Variants in GRIK2 observed in about 807,000 individuals in gnomAD.
The protein encoded by GRIK2 is glutamate receptor ionotropic, kainate 2.
Under a neutral mutation model 100.3 loss-of-function variants are expected in GRIK2, and 32 were observed. The ratio of observed to expected loss-of-function variants is 0.32; its 90% confidence interval spans 0.24 to 0.43. GRIK2 has a LOEUF of 0.43. Among genes scored for constraint, GRIK2 ranks in the 20% least tolerant of loss-of-function variants. GRIK2 has a pLI of 1.00. For missense variants in GRIK2, 843 were observed against 1,114.9 expected (o/e 0.76, Z 3.47); for synonymous variants, 417 against 389.4 (o/e 1.07, Z -0.83).
intron 2 of GRIK2, among the ~76,000 whole-genome samples, chr6:101,595,641 CAT>C (rs953213142): frequency 3.3e-5 from 5 of 149,516 alleles, no homozygotes; most frequent in Admixed American, 6.7e-5. Context: ...CACACACAGA[CAT>C]ATATATAAAC....
chr6:101,790,861 A>G (rs1381681507), intron 7 of GRIK2, among the ~76,000 whole-genome samples: 2 of 151,280 alleles, frequency 1.3e-5, no homozygotes, highest in South Asian at 2.1e-4. Context: ...TTGGTAAGCT[A>G]TTGATTATTG....
At chr6:102,005,437 T>C (rs1414164903) in intron 14 of GRIK2, among the ~76,000 whole-genome samples, 1 of 152,070 alleles carries the variant, frequency 6.6e-6, no homozygotes, top group Admixed American at 6.6e-5. Context: ...GTCCAATCAT[T>C]GAGCTCGGGA....
intron 2 of GRIK2, among the ~76,000 whole-genome samples, chr6:101,470,572 T>C (rs1771891696): frequency 6.6e-6 from 1 of 152,150 alleles, no homozygotes; most frequent in South Asian, 2.1e-4. Context: ...CTAGGCTGAT[T>C]CTGAAAACTC....
intron 7 of GRIK2, among the ~76,000 whole-genome samples, chr6:101,796,737 A>G (rs1780329077): frequency 6.6e-6 from 1 of 152,126 alleles, no homozygotes; most frequent in African/African-American, 2.4e-5. Context: ...TACAGACAGT[A>G]GTCTCACCAT....
At chr6:101,721,756 C>A (rs1173852352) in intron 7 of GRIK2, among the ~76,000 whole-genome samples, 2 of 151,864 alleles carry the variant, frequency 1.3e-5, no homozygotes, top group African/African-American at 4.8e-5. Flanking sequence ...ATGCCTTTGA[C>A]TTTTCTTAAC....
At position 101,696,350 on chromosome 6, in the gene GRIK2, A is replaced by G. The variant is rs561293267; in HGVS notation, c.951+9997A>G. 1.1e-4 allele frequency among the ~76,000 whole-genome samples: 17 copies of G among 152,010 alleles called. No individual in the cohort carries two copies. In the South Asian group the frequency reaches 3.5e-3, roughly 31 times the overall value. On this transcript the variant is annotated intron_variant, in intron 7 of 16. Coordinates refer to ENST00000369134, the MANE Select transcript of GRIK2 (RefSeq NM_021956.5). Reference sequence around the variant, plus strand: ...CTACCTCTGATGTTTTAATATAAATATATACCTCAGTAGATATTTCCATTT... The same window carrying G: ...CTACCTCTGATGTTTTAATATAAATGTATACCTCAGTAGATATTTCCATTT...
At chr6:101,894,950 C>T (rs1429275752) in intron 12 of GRIK2, among the ~76,000 whole-genome samples, 1 of 151,568 alleles carries the variant, frequency 6.6e-6, no homozygotes, top group African/African-American at 2.4e-5. Context: ...ATTGATGTAA[C>T]CTTAATAATT....
intron 14 of GRIK2, among the ~76,000 whole-genome samples, chr6:102,017,980 G>A (rs551982476): frequency 7.9e-5 from 12 of 152,100 alleles, no homozygotes; most frequent in South Asian, 6.2e-4. Context: ...GTTTTTAGGC[G>A]TTCTTGGCCG....
chr6:101,951,369 T>C (rs1261173068), intron 14 of GRIK2, among the ~76,000 whole-genome samples: 2 of 152,204 alleles, frequency 1.3e-5, no homozygotes, highest in African/African-American at 4.8e-5. Flanking sequence ...CTGTTACCAC[T>C]TTCTAGACAC....
At chr6:102,043,453 C>A (rs1401630694) in intron 15 of GRIK2, among the ~76,000 whole-genome samples, 2 of 151,844 alleles carry the variant, frequency 1.3e-5, no homozygotes, top group African/African-American at 4.8e-5. Flanking sequence ...CCTCTGCTTT[C>A]TGTTTCTATC....
chr6:102,048,992 G>T (rs1328037135), intron 15 of GRIK2, among the ~76,000 whole-genome samples: 1 of 151,828 alleles, frequency 6.6e-6, no homozygotes, highest in Non-Finnish European at 1.5e-5. Flanking sequence ...GTTCTATTAA[G>T]GAAGAACAAA....
chr6:101,858,654 G>A (rs1784574054), intron 10 of GRIK2, among the ~76,000 whole-genome samples: 1 of 151,902 alleles, frequency 6.6e-6, no homozygotes, highest in Non-Finnish European at 1.5e-5. Context: ...CTCCCAAAGT[G>A]CTGGGATTAC....
intron 7 of GRIK2, among the ~76,000 whole-genome samples, chr6:101,743,566 T>C (rs1477011273): frequency 6.6e-6 from 1 of 152,084 alleles, no homozygotes; most frequent in Non-Finnish European, 1.5e-5. Flanking sequence ...GTTTTTTCCA[T>C]AGTCTTTTAT....
At chr6:101,770,274 G>A (rs1778315518) in intron 7 of GRIK2, among the ~76,000 whole-genome samples, 1 of 152,076 alleles carries the variant, frequency 6.6e-6, no homozygotes. Context: ...TGGAGTTGCT[G>A]TTCATTCTGG....
At chr6:101,480,341 C>T (rs1182116196) in intron 2 of GRIK2, among the ~76,000 whole-genome samples, 2 of 152,054 alleles carry the variant, frequency 1.3e-5, no homozygotes, top group African/African-American at 4.8e-5. Flanking sequence ...GTCAGTCAAT[C>T]CTGCTATTAA....
At chr6:101,462,786 C>T (rs1771399688) in intron 2 of GRIK2, among the ~76,000 whole-genome samples, 1 of 152,128 alleles carries the variant, frequency 6.6e-6, no homozygotes, top group Non-Finnish European at 1.5e-5. Context: ...GCTCATCCCA[C>T]ATGAGATAAA....
intron 2 of GRIK2, among the ~76,000 whole-genome samples, chr6:101,492,464 T>C (rs1184162989): frequency 1.3e-5 from 2 of 151,976 alleles, no homozygotes; most frequent in Non-Finnish European, 2.9e-5. Context: ...AAAATGACTA[T>C]GGACTCATTT....
chr6:101,735,915 A>T (rs1489161937), intron 7 of GRIK2, among the ~76,000 whole-genome samples: 3 of 152,346 alleles, frequency 2.0e-5, no homozygotes, highest in African/African-American at 4.8e-5. Context: ...AGCCTGTAAC[A>T]TCAAAAGCAA....
At position 101,889,702 on chromosome 6, in the gene GRIK2, T is replaced by C; in HGVS notation, c.1587T>C (p.Phe529=). ...ITYVREKVID[F]SKPFMTLGIS... ...ATGTTCGAGAGAAGGTCATCGACTT[T>C]TCCAAGCCCTTTATGACACTTGGAA... Residue 529 remains phenylalanine (F), a synonymous_variant, in exon 12 of 17, where the codon TTT becomes TTC. Transcript: ENST00000369134. 6.2e-7 allele frequency: 1 copy of C among 1,613,514 alleles called. No individual in the cohort carries two copies. Among genetic ancestry groups the C allele is most frequent in the Non-Finnish European group, 8.5e-7 (1 of 1,179,696 alleles).
Sources: allele counts gnomAD v4.1 joint callset (sites outside exome capture counted in the v4.1 genomes callset), GRCh38; gene constraint gnomAD v4.1.1; transcripts MANE v1.5; gene names NCBI Gene and HGNC (gene_info 2026-07-23, HGNC 2026-07-21).